MCM9: variants seen among roughly 807,000 people sequenced by gnomAD.
The protein encoded by MCM9 is DNA helicase MCM9.
In MCM9, 55 loss-of-function variants were observed where a neutral mutation model predicts 72.8. The observed-to-expected ratio is 0.76, with a 90% CI of 0.61 to 0.95. The LOEUF (loss-of-function observed/expected upper bound fraction) is 0.95. Ranked by LOEUF, MCM9 falls within the 40% of genes least tolerant of loss-of-function variation. The probability of loss-of-function intolerance (pLI) is 0.00; values close to 1 mark genes in which losing one functional copy is unlikely to be tolerated. For synonymous variants in MCM9, 480 were observed against 503.4 expected, an observed-to-expected ratio of 0.95 and a Z score of 0.62; for missense variants, 1,279 against 1,377.0, an observed-to-expected ratio of 0.93 and a Z score of 1.13.
chr6:118,877,540 A>C (rs1412007687), intron 8 of MCM9, among the ~76,000 whole-genome samples: 1 of 152,232 alleles, frequency 6.6e-6, no homozygotes, highest in Non-Finnish European at 1.5e-5. Flanking sequence ...AAAATCTGAC[A>C]GTGCAAGTAC....
At chr6:118,908,049 A>G (rs1160929569) in intron 8 of MCM9, 1 of 154,368 alleles carries the variant, frequency 6.5e-6, no homozygotes, top group Non-Finnish European at 1.4e-5. Flanking sequence ...ATTTTAATTT[A>G]AGGGGCAGAT....
At chr6:118,870,592 T>C (rs376234519) in intron 8 of MCM9, among the ~76,000 whole-genome samples, 27 of 151,822 alleles carry the variant, frequency 1.8e-4, no homozygotes, top group Middle Eastern at 6.8e-3. Context: ...AAAAGAATAA[T>C]AACCCGAGCT....
intron 8 of MCM9, among the ~76,000 whole-genome samples, chr6:118,865,578 T>C (rs1013848292): frequency 3.9e-5 from 6 of 152,172 alleles, no homozygotes; most frequent in Non-Finnish European, 7.4e-5. Context: ...AAGTGGTCAT[T>C]TGACAAGCTG....
intron 8 of MCM9, among the ~76,000 whole-genome samples, chr6:118,898,070 A>G (rs1779554992): frequency 6.6e-6 from 1 of 152,200 alleles, no homozygotes; most frequent in African/African-American, 2.4e-5. Context: ...CTTCCCAGTT[A>G]GGTTTTCAGA....
intron 8 of MCM9, among the ~76,000 whole-genome samples, chr6:118,885,657 C>G (rs904517347): frequency 6.6e-6 from 1 of 152,032 alleles, no homozygotes; most frequent in African/African-American, 2.4e-5. Flanking sequence ...AACACAGAGG[C>G]AATATTAGTA....
intron 8 of MCM9, among the ~76,000 whole-genome samples, chr6:118,903,425 G>A (rs892268300): frequency 2.6e-5 from 4 of 152,156 alleles, no homozygotes; most frequent in Non-Finnish European, 5.9e-5. Flanking sequence ...AATACTAAGT[G>A]CTCAGAGCTG....
At chr6:118,847,080 C>G (rs529588593) in intron 9 of MCM9, among the ~76,000 whole-genome samples, 13 of 151,694 alleles carry the variant, frequency 8.6e-5, no homozygotes, top group Non-Finnish European at 1.5e-4. Context: ...ATAAAAGCAC[C>G]AAAAAGCAGA....
chr6:118,929,519 A>C (rs1222478571), intron 3 of MCM9, among the ~76,000 whole-genome samples: 1 of 152,224 alleles, frequency 6.6e-6, no homozygotes, highest in East Asian at 1.9e-4. Context: ...AGCTAAATTC[A>C]CCTGAAACTG....
intron 8 of MCM9, chr6:118,907,916 T>C (rs1312289939): frequency 1.4e-5 from 3 of 217,860 alleles, no homozygotes; most frequent in Non-Finnish European, 2.8e-5. Flanking sequence ...CAGGAATCAT[T>C]AGACCAGGTT....
intron 8 of MCM9, among the ~76,000 whole-genome samples, chr6:118,889,658 A>C (rs543193880): frequency 6.6e-6 from 1 of 151,964 alleles, no homozygotes; most frequent in Admixed American, 6.5e-5. Flanking sequence ...AGACACAGAC[A>C]AAAAACTAGG....
intron 8 of MCM9, among the ~76,000 whole-genome samples, chr6:118,880,538 T>G (rs1778222719): frequency 6.6e-6 from 1 of 152,186 alleles, no homozygotes; most frequent in African/African-American, 2.4e-5. Context: ...CAAAGGTAAT[T>G]AAAAACTAAG....
At chr6:118,868,583 A>C (rs554183840) in intron 8 of MCM9, among the ~76,000 whole-genome samples, 1,543 of 152,216 alleles carry the variant, frequency 0.01, 19 homozygotes, top group Middle Eastern at 0.031. Context: ...AGAAAAAAAA[A>C]CCCCATCAAA....
At chr6:118,910,393 TTC>T (rs1267418112) in intron 8 of MCM9, among the ~76,000 whole-genome samples, 1 of 152,168 alleles carries the variant, frequency 6.6e-6, no homozygotes, top group Non-Finnish European at 1.5e-5. Flanking sequence ...CCTATACTTG[TTC>T]TCTCATATTT....
chr6:118,922,951 G>C (rs1781551509), intron 4 of MCM9, among the ~76,000 whole-genome samples: 2 of 143,298 alleles, frequency 1.4e-5, no homozygotes, highest in African/African-American at 2.6e-5. Flanking sequence ...AGAAATGCTT[G>C]AACCCAGGAG....
chr6:118,850,227 A>G (rs1284098574), intron 9 of MCM9, among the ~76,000 whole-genome samples: 3 of 147,222 alleles, frequency 2.0e-5, no homozygotes, highest in Non-Finnish European at 4.5e-5. Flanking sequence ...ATCTAAGCAC[A>G]ATAAAGGACT....
chr6:118,817,620 G>C (rs1773496749), intron 13 of MCM9, among the ~76,000 whole-genome samples: 1 of 152,154 alleles, frequency 6.6e-6, no homozygotes, highest in South Asian at 2.1e-4. Flanking sequence ...TGTCTTTACA[G>C]TAGAATGATT....
intron 8 of MCM9, among the ~76,000 whole-genome samples, chr6:118,892,635 A>G (rs1390438652): frequency 6.6e-6 from 1 of 152,240 alleles, no homozygotes; most frequent in Non-Finnish European, 1.5e-5. Flanking sequence ...TGTTAGGACC[A>G]GCACTAATAA....
rs535146017 is a variant in MCM9, at chr6:118,870,149, T to C, written c.1151-13604A>G. 1.7e-3 allele frequency among the ~76,000 whole-genome samples: 259 copies of C among 152,296 alleles called. 1 individual carries two copies. Among genetic ancestry groups the C allele is most frequent in the Non-Finnish European group, 2.6e-3 (180 of 68,006 alleles). On this transcript the variant is annotated intron_variant, in intron 8 of 13. Coordinates refer to ENST00000619706, the MANE Select transcript of MCM9 (RefSeq NM_017696.3). ...GACTTGAACTATACTTTAGACCAAA[T>C]GGACTTACCAGACATATACAGAACA...
intron 8 of MCM9, among the ~76,000 whole-genome samples, chr6:118,873,179 G>A (rs1777714453): frequency 1.4e-5 from 1 of 74,012 alleles, no homozygotes; most frequent in African/African-American, 3.9e-5. Context: ...GGGAAGAAGG[G>A]AGGGGAGGGG....
Sources: gnomAD v4.1 joint callset for allele counts (sites outside exome capture counted in the v4.1 genomes callset) on GRCh38, gnomAD v4.1.1 for gene constraint, MANE v1.5 for transcripts, NCBI Gene and HGNC (gene_info 2026-07-23, HGNC 2026-07-21) for gene names.